The following GTF2E1 variants were observed in gnomAD, a reference collection of about 807,000 sequenced individuals.
GTF2E1 encodes the protein TFIIE alpha subunit.
A neutral mutation model predicts 34.9 loss-of-function variants in GTF2E1; 14 were observed. The observed-to-expected ratio is 0.40, with a 90% CI of 0.27 to 0.63. The LOEUF is 0.63. GTF2E1 is among the 20% of genes least tolerant of loss of function. GTF2E1 has a pLI of 0.39. For synonymous variants in GTF2E1, 188 were observed against 192.9 expected, an observed-to-expected ratio of 0.97 and a Z score of 0.21; for missense variants, 469 against 557.7, an observed-to-expected ratio of 0.84 and a Z score of 1.60.
chr3:120,744,213 T>G (rs1221517457), intron 1 of GTF2E1, among the ~76,000 whole-genome samples: 1 of 152,140 alleles, frequency 6.6e-6, no homozygotes, highest in Non-Finnish European at 1.5e-5. Flanking sequence ...ATTCAGAAAA[T>G]TTTTGAAACA....
chr3:120,748,502 T>C (rs968589178), intron 1 of GTF2E1, among the ~76,000 whole-genome samples: 20 of 152,340 alleles, frequency 1.3e-4, no homozygotes, highest in African/African-American at 4.8e-4. Context: ...ATTTATTAAA[T>C]AGGGAATCCT....
chr3:120,756,076 A>T (rs1338069404), intron 2 of GTF2E1, among the ~76,000 whole-genome samples: 3 of 152,170 alleles, frequency 2.0e-5, no homozygotes, highest in Admixed American at 2.0e-4. Flanking sequence ...CAAACATGGG[A>T]ATGCAGATAC....
At position 120,781,294 on chromosome 3, in the gene GTF2E1, G is replaced by C. The variant is rs1386964204; in HGVS notation, c.1144G>C (p.Glu382Gln). 1.9e-6 allele frequency: 3 copies of C among 1,614,046 alleles called. No homozygotes were observed. Among genetic ancestry groups the C allele is most frequent in the Non-Finnish European group, 2.5e-6 (3 of 1,180,028 alleles). Residue 382 changes from glutamate to glutamine, a missense_variant, in exon 5 of 5, where the codon GAG becomes CAG. Transcript: ENST00000283875. ...TGTGCATAAACGAGAAGAGGATGAA[G>C]AGGAAGATGACGAGTTTGAAGAAGT... is the stretch of plus-strand genomic sequence containing the variant. ...VAVHKREEDE[E>Q]EDDEFEEVAD...
At chr3:120,758,625 T>C (rs1367595043) in intron 2 of GTF2E1, among the ~76,000 whole-genome samples, 3 of 151,890 alleles carry the variant, frequency 2.0e-5, no homozygotes, top group Admixed American at 2.0e-4. Context: ...CTTGTGTCCA[T>C]GTGTTCTCGT....
chr3:120,780,752 A>G (rs1347027468), intron 4 of GTF2E1, among the ~76,000 whole-genome samples: 2 of 152,208 alleles, frequency 1.3e-5, no homozygotes, highest in Non-Finnish European at 2.9e-5. Context: ...AGAAAAAGGT[A>G]TTGAAGTTTA....
At chr3:120,775,517 CAG>C (rs1054666470) in intron 3 of GTF2E1, among the ~76,000 whole-genome samples, 8 of 152,014 alleles carry the variant, frequency 5.3e-5, no homozygotes, top group African/African-American at 1.5e-4. Context: ...TGAGCTCAGA[CAG>C]AGAATCAGGC....
At chr3:120,746,207 G>A (rs1353679078) in intron 1 of GTF2E1, among the ~76,000 whole-genome samples, 1 of 152,122 alleles carries the variant, frequency 6.6e-6, no homozygotes, top group African/African-American at 2.4e-5. Context: ...AAATAAAAGG[G>A]TTAGTTGAAA....
chr3:120,781,715 C>CTTTTT lies in GTF2E1; in HGVS notation c.*257_*261dup, dbSNP rs71133517. 4 of 224,904 alleles carry CTTTTT rather than the reference C, an allele frequency of 1.8e-5. No homozygotes were observed. Among genetic ancestry groups the CTTTTT allele is most frequent in the African/African-American group, 2.7e-5 (1 of 37,014 alleles). The allele number at this position is 224,904 out of a possible 1,614,324, so 13.9% of individuals were successfully genotyped here. On this transcript the variant is annotated 3_prime_UTR_variant, in exon 5 of 5. Coordinates refer to ENST00000283875, the MANE Select transcript of GTF2E1 (RefSeq NM_005513.3). The stretch of plus-strand genomic sequence containing the variant: ...TTAATATTTTACTGTATTTTCTTTT[C>CTTTTT]TTTTTTTTTTTTTTTTGGAGATGAA...
Position 120,750,832 on chromosome 3 carries a change from A to G in GTF2E1, c.280A>G (p.Ile94Val). 3 of 1,614,070 alleles carry G rather than the reference A, an allele frequency of 1.9e-6. No homozygotes were observed. Among genetic ancestry groups the G allele is most frequent in the Non-Finnish European group, 2.5e-6 (3 of 1,179,958 alleles). Residue 94 changes from isoleucine (I) to valine (V), a missense_variant, in exon 2 of 5, where the codon ATC becomes GTC. Transcript: ENST00000283875. Reference protein sequence around the residue: ...GKTTRHNYYFINYRTLVNVVK... With the variant: ...GKTTRHNYYFVNYRTLVNVVK... ...AACCACTCGCCATAACTACTACTTC[A>G]TCAATTATCGTACTCTTGTTAATGT...
intron 2 of GTF2E1, among the ~76,000 whole-genome samples, chr3:120,761,228 T>C (rs1030494033): frequency 6.6e-6 from 1 of 152,236 alleles, no homozygotes; most frequent in Non-Finnish European, 1.5e-5. Flanking sequence ...TAGTATTCTC[T>C]GATGGTAGTT....
chr3:120,778,943 T>C (rs527335522), intron 4 of GTF2E1, among the ~76,000 whole-genome samples: 2 of 152,296 alleles, frequency 1.3e-5, no homozygotes, highest in South Asian at 4.1e-4. Flanking sequence ...GCTCTTCCTA[T>C]ATTTTTTTGC....
At chr3:120,747,680 C>G (rs1709120208) in intron 1 of GTF2E1, among the ~76,000 whole-genome samples, 2 of 152,152 alleles carry the variant, frequency 1.3e-5, no homozygotes, top group Admixed American at 1.3e-4. Flanking sequence ...CCAGTCTTTG[C>G]TATTGTGAGT....
At chr3:120,745,845 A>T (rs1352477089) in intron 1 of GTF2E1, among the ~76,000 whole-genome samples, 1 of 152,212 alleles carries the variant, frequency 6.6e-6, no homozygotes, top group African/African-American at 2.4e-5. Flanking sequence ...TGTGTCCAGT[A>T]GTATGCTGTG....
rs1052436422 is a variant in GTF2E1 at position 120,762,482 on chromosome 3, C to G, written c.449-8246C>G. 6.6e-5 allele frequency among the ~76,000 whole-genome samples: 10 copies of G among 152,150 alleles called. 1 individual carries two copies. Among genetic ancestry groups the G allele is most frequent in the African/African-American group, 2.4e-4 (10 of 41,420 alleles). ...ACCATTATGTAGTGGCCTTCTTTGT[C>G]TCTTTTGATGCAAAGTGATTCTTAA... is the stretch of plus-strand genomic sequence containing the variant. On this transcript the variant is annotated intron_variant, in intron 2 of 4. Coordinates refer to ENST00000283875, the MANE Select transcript of GTF2E1 (RefSeq NM_005513.3).
chr3:120,742,836 G>A lies in GTF2E1; in HGVS notation c.-31+42G>A, dbSNP rs1010621277. 1.0e-4 allele frequency: 38 copies of A among 374,852 alleles called. 1 individual carries two copies. In the East Asian group the frequency reaches 1.8e-3, roughly 18 times the overall value. The allele number at this position is 374,852 out of a possible 1,614,324, so 23.2% of individuals were successfully genotyped here. ...GTTCCTTGTTCGGAGTTCCCTGGCC[G>A]GGCATTGCATTTCATGATTTCTTCT... is the stretch of plus-strand genomic sequence containing the variant. On this transcript the variant is annotated intron_variant, in intron 1 of 4. Transcript: ENST00000283875.
intron 2 of GTF2E1, among the ~76,000 whole-genome samples, chr3:120,755,929 A>G (rs1334430305): frequency 6.6e-6 from 1 of 152,224 alleles, no homozygotes; most frequent in Non-Finnish European, 1.5e-5. Flanking sequence ...TCTATGTTGC[A>G]AATGACTGAA....
chr3:120,756,688 G>A (rs1709212487), intron 2 of GTF2E1, among the ~76,000 whole-genome samples: 1 of 152,110 alleles, frequency 6.6e-6, no homozygotes, highest in African/African-American at 2.4e-5. Flanking sequence ...CACCTTGAGA[G>A]GCCAAGGTGG....
intron 1 of GTF2E1, among the ~76,000 whole-genome samples, chr3:120,746,007 CG>C (rs1559828480): frequency 5.9e-5 from 9 of 152,094 alleles, no homozygotes. Context: ...ACCTAAAGTA[CG>C]TATTTTCTTT....
intron 1 of GTF2E1, among the ~76,000 whole-genome samples, chr3:120,743,536 G>A (rs990357387): frequency 2.6e-5 from 4 of 152,154 alleles, no homozygotes; most frequent in Non-Finnish European, 5.9e-5. Context: ...ATTAATTGGT[G>A]AACAAGATGA....
Sources: allele counts gnomAD v4.1 joint callset (sites outside exome capture counted in the v4.1 genomes callset), GRCh38; gene constraint gnomAD v4.1.1; transcripts MANE v1.5; gene names NCBI Gene and HGNC (gene_info 2026-07-23, HGNC 2026-07-21).